PLCB4: variants seen among roughly 807,000 people sequenced by gnomAD.
PLCB4 encodes the protein 1-phosphatidylinositol 4,5-bisphosphate phosphodiesterase beta-4.
A neutral mutation model predicts 178.8 loss-of-function variants in PLCB4; 77 were observed. That is an observed-to-expected ratio of 0.43 (90% CI 0.36 to 0.52). The LOEUF (loss-of-function observed/expected upper bound fraction) is 0.52, where lower values mean the gene tolerates loss of function less well. Among genes scored for constraint, PLCB4 ranks in the 20% least tolerant of loss-of-function variants. The pLI is 0.00. For missense variants in PLCB4, 1,024 were observed against 1,453.4 expected (o/e 0.70, Z 4.80); for synonymous variants, 496 against 490.8 (o/e 1.01, Z -0.14).
chr20:9,414,328 T>G (rs2148530464), intron 25 of PLCB4, among the ~76,000 whole-genome samples: 1 of 152,266 alleles, frequency 6.6e-6, no homozygotes, highest in South Asian at 2.1e-4. Flanking sequence ...GAGAAGAAAT[T>G]GCCGTCACCT....
intron 7 of PLCB4, among the ~76,000 whole-genome samples, chr20:9,354,784 T>C (rs772267850): frequency 6.6e-6 from 1 of 152,160 alleles, no homozygotes; most frequent in Non-Finnish European, 1.5e-5. Context: ...GTTGGAAGCT[T>C]GTTAGAAATG....
chr20:9,284,954 A>T (rs1192263573), intron 3 of PLCB4, among the ~76,000 whole-genome samples: 1 of 151,940 alleles, frequency 6.6e-6, no homozygotes, highest in African/African-American at 2.4e-5. Flanking sequence ...TTAAATTGCA[A>T]TGGCCTTGAT....
chr20:9,339,824 T>G (rs2032966073), intron 7 of PLCB4, among the ~76,000 whole-genome samples: 1 of 152,166 alleles, frequency 6.6e-6, no homozygotes, highest in East Asian at 1.9e-4. Context: ...GATCAGTCTT[T>G]TAATACCATA....
At chr20:9,134,451 A>AT (rs771425900) in intron 2 of PLCB4, among the ~76,000 whole-genome samples, 11 of 151,910 alleles carry the variant, frequency 7.2e-5, no homozygotes, top group South Asian at 2.1e-4. Context: ...GTATAACCCC[A>AT]TTTTTTTTAA....
intron 2 of PLCB4, among the ~76,000 whole-genome samples, chr20:9,160,313 T>G (rs1338428332): frequency 6.6e-6 from 1 of 152,096 alleles, no homozygotes; most frequent in Admixed American, 6.6e-5. Context: ...GGGGAAAAGA[T>G]GAAAGAAGTC....
In PLCB4 at chr20:9,387,499, A is replaced by G. The variant is rs1046939; in HGVS notation, c.1101A>G (p.Glu367=). 1 of 1,601,566 alleles carries G rather than the reference A, an allele frequency of 6.2e-7. No homozygotes were observed. The highest frequency in any genetic ancestry group is 8.5e-7 in the Non-Finnish European group (1 of 1,170,586). The part of the protein sequence containing the change: ...VELDCWDGKG[E]DQEPIITHGK... ...TTGACTGCTGGGATGGAAAAGGTGA[A>G]GACCAAGAACCAATAATAACTCATG... Residue 367 remains glutamate, a synonymous_variant, in exon 15 of 40, where the codon GAA becomes GAG. Coordinates refer to ENST00000378473, the MANE Select transcript of PLCB4 (RefSeq NM_001377142.1).
intron 3 of PLCB4, among the ~76,000 whole-genome samples, chr20:9,246,570 T>C (rs2094128595): frequency 6.6e-6 from 1 of 152,166 alleles, no homozygotes; most frequent in African/African-American, 2.4e-5. Flanking sequence ...CACTTTTTTT[T>C]TTTGGTAAGG....
At position 9,295,180 on chromosome 20, in the gene PLCB4, T is replaced by A. The variant is rs575109640; in HGVS notation, c.-15-12620T>A. ...TTGTGCATGTTTCCCTTTTGTTTTC[T>A]ATGTTCCAAGACCTTCTCAGAACTA... On this transcript the variant is annotated intron_variant, in intron 3 of 39. Transcript: ENST00000378473. Among the ~76,000 whole-genome samples the A allele has an allele frequency of 4.6e-5, 7 of 152,292 alleles. No individual in the cohort carries two copies. In the South Asian group the frequency reaches 1.4e-3, roughly 32 times the overall value.
At chr20:9,427,996 C>T (rs1393918953) in intron 28 of PLCB4, among the ~76,000 whole-genome samples, 1 of 152,182 alleles carries the variant, frequency 6.6e-6, no homozygotes, top group Admixed American at 6.5e-5. Context: ...CCCTCTATTT[C>T]TTTGTACATT....
chr20:9,340,120 CA>C (rs1441890254), intron 7 of PLCB4, among the ~76,000 whole-genome samples: 2 of 152,060 alleles, frequency 1.3e-5, no homozygotes, highest in Non-Finnish European at 2.9e-5. Context: ...AGTGGAAACT[CA>C]GTGTAGGTTG....
At chr20:9,288,446 AC>A (rs2094553625) in intron 3 of PLCB4, among the ~76,000 whole-genome samples, 2 of 148,764 alleles carry the variant, frequency 1.3e-5, no homozygotes. Context: ...TGCATTGCTC[AC>A]TTTTACATCA....
intron 7 of PLCB4, among the ~76,000 whole-genome samples, chr20:9,339,750 C>T (rs981165867): frequency 6.6e-5 from 10 of 152,032 alleles, no homozygotes; most frequent in African/African-American, 1.7e-4. Context: ...GTGGGCAGTA[C>T]GGGTCTGGAT....
chr20:9,295,068 C>A lies in PLCB4; in HGVS notation c.-15-12732C>A, dbSNP rs185282049. 2.0e-4 allele frequency among the ~76,000 whole-genome samples: 31 copies of A among 152,234 alleles called. No homozygotes were observed. The South Asian group carries it at 5.2e-3, about 25-fold the overall frequency. The stretch of plus-strand genomic sequence containing the variant: ...TTTTAAAGACTAGGGTCCTCTGTGA[C>A]CAGGAAGCCCTGGGTTAAGAACCCC... On this transcript the variant is annotated intron_variant, in intron 3 of 39. Coordinates refer to ENST00000378473, the MANE Select transcript of PLCB4 (RefSeq NM_001377142.1).
intron 4 of PLCB4, among the ~76,000 whole-genome samples, chr20:9,318,042 C>T (rs1044122669): frequency 1.3e-5 from 2 of 151,866 alleles, no homozygotes; most frequent in African/African-American, 2.4e-5. Flanking sequence ...CCCAGCTGCT[C>T]GGGAGGCTGA....
intron 2 of PLCB4, among the ~76,000 whole-genome samples, chr20:9,116,459 A>G (rs571681178): frequency 2.6e-5 from 4 of 152,284 alleles, no homozygotes; most frequent in Admixed American, 2.6e-4. Context: ...TTGTCTGCCC[A>G]GTTCTATTCC....
At chr20:9,072,410 T>G (rs754726829) in intron 1 of PLCB4, among the ~76,000 whole-genome samples, 3 of 151,972 alleles carry the variant, frequency 2.0e-5, no homozygotes, top group Non-Finnish European at 2.9e-5. Flanking sequence ...ATTTATCTAG[T>G]TATGCCTTAG....
chr20:9,297,159 C>T (rs1486757221), intron 3 of PLCB4, among the ~76,000 whole-genome samples: 1 of 145,680 alleles, frequency 6.9e-6, no homozygotes, highest in Admixed American at 6.7e-5. Flanking sequence ...TAGCCCGCAC[C>T]CCCCCCCACA....
intron 1 of PLCB4, among the ~76,000 whole-genome samples, chr20:9,082,002 A>AT (rs1568714115): frequency 1.3e-5 from 2 of 150,938 alleles, no homozygotes; most frequent in Admixed American, 6.6e-5. Flanking sequence ...ATAAGTTATC[A>AT]TTTTTTTCCT....
intron 3 of PLCB4, among the ~76,000 whole-genome samples, chr20:9,247,973 A>T (rs1449138120): frequency 2.0e-5 from 3 of 152,164 alleles, no homozygotes; most frequent in Non-Finnish European, 4.4e-5. Flanking sequence ...CATTTTACAA[A>T]GCCCCGACTT....
Sources: gnomAD v4.1 joint callset for allele counts (sites outside exome capture counted in the v4.1 genomes callset) on GRCh38, gnomAD v4.1.1 for gene constraint, MANE v1.5 for transcripts, NCBI Gene and HGNC (gene_info 2026-07-23, HGNC 2026-07-21) for gene names.